Variants in LRRIQ3 observed in about 807,000 individuals in gnomAD.
The protein encoded by LRRIQ3 is leucine rich repeats and IQ motif containing 3.
Under a neutral mutation model 59.3 loss-of-function variants are expected in LRRIQ3, and 75 were observed. That is an observed-to-expected ratio of 1.26 (90% CI 1.05 to 1.53). The LOEUF (loss-of-function observed/expected upper bound fraction) is 1.53. Among genes scored for constraint, LRRIQ3 ranks in the 40% most tolerant of loss-of-function variants. The pLI, the probability that LRRIQ3 is intolerant of heterozygous loss-of-function variation, is 0.00. For missense variants in LRRIQ3, 831 were observed against 710.0 expected (o/e 1.17, Z -1.94); for synonymous variants, 250 against 231.3 (o/e 1.08, Z -0.73).
In LRRIQ3 at chr1:74,118,953, G is replaced by A. The variant is rs536603519; in HGVS notation, c.708-9400C>T. ...GATGAGGCTCACCCACATTATGGAG[G>A]GTAATATGCTTCACTCAAAGTCTAC... On this transcript the variant is annotated intron_variant, in intron 4 of 7. Transcript: ENST00000354431. Among the ~76,000 whole-genome samples, 8 of 152,036 alleles carry A rather than the reference G, an allele frequency of 5.3e-5. No individual in the cohort carries two copies. In the South Asian group the frequency reaches 1.7e-3, roughly 32 times the overall value.
chr1:74,129,891 G>A (rs1280019621), intron 4 of LRRIQ3, among the ~76,000 whole-genome samples: 1 of 151,900 alleles, frequency 6.6e-6, no homozygotes, highest in Non-Finnish European at 1.5e-5. Context: ...CAAGAGCTAG[G>A]TCCTGGAATA....
chr1:74,148,814 T>C (rs1647741499), intron 4 of LRRIQ3, among the ~76,000 whole-genome samples: 1 of 152,164 alleles, frequency 6.6e-6, no homozygotes, highest in African/African-American at 2.4e-5. Flanking sequence ...GTGGGTCACC[T>C]AGGAATTCTG....
chr1:74,160,173 C>T lies in LRRIQ3; in HGVS notation c.574-4307G>A, dbSNP rs72962136. On this transcript the variant is annotated intron_variant, in intron 3 of 7. Transcript: ENST00000354431. Reference sequence around the variant, plus strand: ...ATAACACCCTTTGCTATTTTAATCCCGTTTTTGTCTCCAGCATCATTTGAC... The same window carrying T: ...ATAACACCCTTTGCTATTTTAATCCTGTTTTTGTCTCCAGCATCATTTGAC... 5.3e-5 allele frequency among the ~76,000 whole-genome samples: 8 copies of T among 152,106 alleles called. No homozygotes were observed. The East Asian group carries it at 5.8e-4, about 11-fold the overall frequency.
chr1:74,156,680 T>A (rs1216141322), intron 3 of LRRIQ3, among the ~76,000 whole-genome samples: 1 of 152,186 alleles, frequency 6.6e-6, no homozygotes, highest in Non-Finnish European at 1.5e-5. Context: ...TAAAATAATG[T>A]ATAGTAGTTA....
At chr1:74,144,339 G>C (rs112750132) in intron 4 of LRRIQ3, 1 of 211,774 alleles carries the variant, frequency 4.7e-6, no homozygotes. Flanking sequence ...TTCTAAGTTA[G>C]TTATCATATA....
chr1:74,139,837 A>T (rs998210383), intron 4 of LRRIQ3, among the ~76,000 whole-genome samples: 4 of 151,964 alleles, frequency 2.6e-5, no homozygotes, highest in African/African-American at 9.7e-5. Flanking sequence ...TATGGTCAAG[A>T]AGAAGAGTAA....
intron 4 of LRRIQ3, among the ~76,000 whole-genome samples, chr1:74,154,534 C>T (rs2100665015): frequency 6.6e-6 from 1 of 152,150 alleles, no homozygotes; most frequent in East Asian, 1.9e-4. Context: ...TTCATACATG[C>T]TTAGTTTTTA....
rs562446205 is a variant in LRRIQ3, at chr1:74,127,281, T to C, written c.708-17728A>G. Among the ~76,000 whole-genome samples, 89 of 152,076 alleles carry C rather than the reference T, an allele frequency of 5.9e-4. 2 individuals carry two copies. The highest frequency in any genetic ancestry group is 6.8e-3 in the Middle Eastern group (2 of 294). Reference sequence around the variant, plus strand: ...CTTACTGGTAACCAATCATTGAGTCTTGTTTTTTCATCCATTCAGCCACTC... The same window carrying C: ...CTTACTGGTAACCAATCATTGAGTCCTGTTTTTTCATCCATTCAGCCACTC... On this transcript the variant is annotated intron_variant, in intron 4 of 7. Coordinates refer to ENST00000354431, the MANE Select transcript of LRRIQ3 (RefSeq NM_001105659.2).
intron 5 of LRRIQ3, among the ~76,000 whole-genome samples, chr1:74,090,355 A>G (rs945336179): frequency 6.6e-6 from 1 of 152,046 alleles, no homozygotes; most frequent in Non-Finnish European, 1.5e-5. Flanking sequence ...AGTGCTAGGA[A>G]GATGAGAAAA....
intron 4 of LRRIQ3, among the ~76,000 whole-genome samples, chr1:74,139,977 AAAAACTAAATTC>A: frequency 6.6e-6 from 1 of 152,058 alleles, no homozygotes; most frequent in Admixed American, 6.6e-5. Context: ...ATACAACAAT[AAAAACTAAATTC>A]CAAAGAAGGC....
chr1:74,078,124 C>T (rs111233785), intron 5 of LRRIQ3, among the ~76,000 whole-genome samples: 2 of 151,834 alleles, frequency 1.3e-5, no homozygotes, highest in East Asian at 1.9e-4. Flanking sequence ...TTCAAATATC[C>T]TTCGCATGGT....
chr1:74,156,016 G>A, intron 3 of LRRIQ3, 150 bp from the exon 4 acceptor site: 1 of 490,680 alleles, frequency 2.0e-6, no homozygotes, highest in Non-Finnish European at 3.3e-6. Context: ...GATATGGTTG[G>A]ATGTTTGTGC....
At chr1:74,037,651 A>G (rs1287651811) in intron 7 of LRRIQ3, among the ~76,000 whole-genome samples, 5 of 152,078 alleles carry the variant, frequency 3.3e-5, no homozygotes, top group Non-Finnish European at 2.9e-5. Flanking sequence ...AAAACAAAAA[A>G]CAAACAAACA....
At chr1:74,073,128 C>A (rs1655073007) in intron 6 of LRRIQ3, among the ~76,000 whole-genome samples, 1 of 152,094 alleles carries the variant, frequency 6.6e-6, no homozygotes, top group African/African-American at 2.4e-5. Context: ...AACATGGTTC[C>A]TATCTCTGCT....
chr1:74,198,144 G>C lies in LRRIQ3; in HGVS notation c.-149C>G. ...CAAGTTCTCCACATCATGGTTTTCCGGGCGCCAGCCAAGGCGCTCCGGGGG... is the reference window on the plus strand; with the variant it reads ...CAAGTTCTCCACATCATGGTTTTCCCGGCGCCAGCCAAGGCGCTCCGGGGG... On this transcript the variant is annotated 5_prime_UTR_variant, in exon 1 of 8. Transcript: ENST00000354431. 1 of 1,486,324 alleles carries C rather than the reference G, an allele frequency of 6.7e-7. No homozygotes were observed. Among genetic ancestry groups the C allele is most frequent in the Non-Finnish European group, 8.9e-7 (1 of 1,121,072 alleles). The allele number at this position is 1,486,324 out of a possible 1,614,324, so 92.1% of individuals were successfully genotyped here.
At chr1:74,154,186 A>G (rs1206956958) in intron 4 of LRRIQ3, among the ~76,000 whole-genome samples, 1 of 137,478 alleles carries the variant, frequency 7.3e-6, no homozygotes, top group Admixed American at 8.2e-5. Context: ...GGTTGCAGCG[A>G]GCCGAGATCG....
intron 1 of LRRIQ3, 87 bp from the exon 2 acceptor site, chr1:74,183,771 G>A (rs374168557): frequency 5.1e-4 from 594 of 1,175,122 alleles, no homozygotes; most frequent in Middle Eastern, 1.1e-3. Context: ...AAGAGATAGC[G>A]CAAGTAAAAA....
chr1:74,196,566 T>A (rs759051695), intron 1 of LRRIQ3, among the ~76,000 whole-genome samples: 2 of 152,126 alleles, frequency 1.3e-5, no homozygotes, highest in Non-Finnish European at 2.9e-5. Flanking sequence ...TTATTCCACA[T>A]GTCCAAAATC....
At chr1:74,087,966 G>A (rs1455842562) in intron 5 of LRRIQ3, among the ~76,000 whole-genome samples, 1 of 151,732 alleles carries the variant, frequency 6.6e-6, no homozygotes, top group African/African-American at 2.4e-5. Context: ...GTGTGATGGC[G>A]CCTGTAGTCC....
Sources: allele counts gnomAD v4.1 joint callset (sites outside exome capture counted in the v4.1 genomes callset), GRCh38; gene constraint gnomAD v4.1.1; transcripts MANE v1.5; gene names NCBI Gene and HGNC (gene_info 2026-07-23, HGNC 2026-07-21).